CLK1: variants seen among roughly 807,000 people sequenced by gnomAD.
The protein encoded by CLK1 is CDC like kinase 1, also known as dual specificity protein kinase CLK1.
CLK1 carries 40 observed loss-of-function variants against 60.9 expected under a neutral mutation model. That is an observed-to-expected ratio of 0.66 (90% confidence interval 0.51 to 0.86). CLK1 has a LOEUF of 0.86. Among genes scored for constraint, CLK1 ranks in the 40% least tolerant of loss-of-function variants. The pLI is 0.00. For missense variants in CLK1, 563 were observed against 606.1 expected, an observed-to-expected ratio of 0.93 and a Z score of 0.75; for synonymous variants, 203 against 184.4, an observed-to-expected ratio of 1.10 and a Z score of -0.82.
Position 200,860,058 on chromosome 2 carries a change from G to A in CLK1, c.481+67C>T. The A allele has an allele frequency of 2.6e-6, 4 of 1,549,244 alleles. No individual in the cohort carries two copies. The Admixed American group carries it at 6.1e-5, about 24-fold the overall frequency. On this transcript the variant is annotated intron_variant, in intron 4 of 12. Coordinates refer to ENST00000321356, the MANE Select transcript of CLK1 (RefSeq NM_004071.4). ...AAGAAAAAAAGATTTCCAAATCCCT[G>A]AAAGCTTAATCTATATATAGATTAT...
chr2:200,855,583 C>T (rs2039025591), intron 9 of CLK1, among the ~76,000 whole-genome samples: 1 of 151,668 alleles, frequency 6.6e-6, no homozygotes, highest in South Asian at 2.1e-4. Context: ...CGAGATCGCG[C>T]CACTGCACTC....
Position 200,856,956 on chromosome 2 carries a change from CTG to C in CLK1, c.860_861del (p.Thr287ArgfsTer5). 1 of 1,614,034 alleles carries C rather than the reference CTG, an allele frequency of 6.2e-7. No individual in the cohort carries two copies. The highest frequency in any genetic ancestry group is 8.5e-7 in the Non-Finnish European group (1 of 1,179,992). Reference protein sequence around the residue: ...NFLHSNKLTHTDLKPENILFV... With the variant: ...NFLHSNKLTHXDLKPENILFV... Reference sequence around the variant, plus strand: ...AATAAGATGTTTTCAGGCTTTAAGTCTGTGTGAGTCAACTTATTACTGTGCAA... The same window carrying C: ...AATAAGATGTTTTCAGGCTTTAAGTCTGTGAGTCAACTTATTACTGTGCAA... On this transcript the variant is annotated frameshift_variant, in exon 8 of 13. Coordinates refer to ENST00000321356, the MANE Select transcript of CLK1 (RefSeq NM_004071.4). LOFTEE classifies it high-confidence loss of function.
Position 200,861,244 on chromosome 2 carries a change from T to A in CLK1, c.384A>T (p.Ser128=), listed in dbSNP as rs1281301256. Residue 128 remains serine, a synonymous_variant, in exon 3 of 13, where the codon TCA becomes TCT. Transcript: ENST00000321356. The part of the protein sequence containing the change: ...RIHHSTSHRR[S]HGKSHRRKRT... ...GTTTTAAAAACGTTCATACCCCATG[T>A]GAACGACGATGTGAAGTACTGTGGT... is the stretch of plus-strand genomic sequence containing the variant. The A allele has an allele frequency of 6.2e-7, 1 of 1,614,114 alleles. No individual in the cohort carries two copies. The highest frequency in any genetic ancestry group is 8.5e-7 in the Non-Finnish European group (1 of 1,179,956).
Position 200,854,959 on chromosome 2 carries a change from C to T in CLK1, c.1140+45G>A, listed in dbSNP as rs375541172. 8.5e-5 allele frequency: 125 copies of T among 1,468,468 alleles called. 1 individual carries two copies. Among genetic ancestry groups the T allele is most frequent in the South Asian group, 2.4e-4 (20 of 83,606 alleles). The allele number at this position is 1,468,468 out of a possible 1,614,324, so 91.0% of individuals were successfully genotyped here. The stretch of plus-strand genomic sequence containing the variant: ...AAGTATTTATTCATATAAACAGGCA[C>T]CTTTCTTGTGCAAAGCAAGGTTGAA... On this transcript the variant is annotated intron_variant, in intron 10 of 12. Transcript: ENST00000321356.
At chr2:200,855,149 G>C in intron 9 of CLK1, 63 bp from the exon 10 acceptor site, 9 of 1,246,932 alleles carry the variant, frequency 7.2e-6, no homozygotes, top group Non-Finnish European at 1.0e-5. Context: ...AAATTAAAAA[G>C]TTAGTTAACA....
chr2:200,858,110 A>G, intron 5 of CLK1, 21 bp from the exon 6 acceptor site: 1 of 1,452,670 alleles, frequency 6.9e-7, no homozygotes, highest in Non-Finnish European at 9.7e-7. Context: ...GATGCATGCA[A>G]ATTTAAGAAT....
At chr2:200,854,797 T>G in intron 10 of CLK1, 102 bp from the exon 11 acceptor site, 9 of 895,260 alleles carry the variant, frequency 1.0e-5, no homozygotes, top group Non-Finnish European at 1.6e-5. Context: ...CAGAACAAAC[T>G]CGCCAATGAT....
At position 200,854,628 on chromosome 2, in the gene CLK1, A is replaced by G. The variant is rs1441966564; in HGVS notation, c.1208T>C (p.Ile403Thr). 1.3e-6 allele frequency: 2 copies of G among 1,591,558 alleles called. No individual in the cohort carries two copies. Among genetic ancestry groups the G allele is most frequent in the Non-Finnish European group, 1.7e-6 (2 of 1,159,436 alleles). The stretch of plus-strand genomic sequence containing the variant: ...TCTTAAAACGTACCTGGTTTTCTGT[A>G]TCATATGTTTTGGTAGAGGTCCAAG... ...RILGPLPKHMIQKTRKRKYFH... is the reference protein window; with the variant it reads ...RILGPLPKHMTQKTRKRKYFH... Residue 403 changes from isoleucine (I) to threonine (T), a missense_variant, in exon 11 of 13, where the codon ATA becomes ACA. By Grantham distance (89) the Ile-to-Thr change is moderately conservative. Coordinates refer to ENST00000321356, the MANE Select transcript of CLK1 (RefSeq NM_004071.4).
chr2:200,863,683 G>A (rs1196992229), intron 1 of CLK1, among the ~76,000 whole-genome samples: 1 of 152,106 alleles, frequency 6.6e-6, no homozygotes, highest in Non-Finnish European at 1.5e-5. Flanking sequence ...GTGAAACTCT[G>A]TCTCTACTAA....
chr2:200,860,645 A>T (rs913809337), intron 3 of CLK1: 2 of 997,494 alleles, frequency 2.0e-6, no homozygotes, highest in African/African-American at 3.5e-5. Flanking sequence ...AATCTAAGAA[A>T]ACAAATATTA....
chr2:200,861,574 C>T lies in CLK1; in HGVS notation c.162-108G>A. ...CCCACAAGCAGCTTAATTTTACAAA[C>T]ATTACAAACCATCAAAATCTCTCAT... is the stretch of plus-strand genomic sequence containing the variant. On this transcript the variant is annotated intron_variant, in intron 2 of 12. Transcript: ENST00000321356. 6 of 1,557,530 alleles carry T rather than the reference C, an allele frequency of 3.9e-6. No individual in the cohort carries two copies. In the South Asian group the frequency reaches 7.4e-5, roughly 19 times the overall value.
chr2:200,858,077 A>G lies in CLK1; in HGVS notation c.561T>C (p.His187=), dbSNP rs1266675009. Residue 187 remains histidine (H), a synonymous_variant, in exon 6 of 13, where the codon CAT becomes CAC. Coordinates refer to ENST00000321356, the MANE Select transcript of CLK1 (RefSeq NM_004071.4). ...ECIDHKAGGR[H]VAVKIVKNVD... ...CATTTTTAACTATTTTTACTGCTACATGTCTACCTCCCCTGTTAGAAAGAT... is the reference window on the plus strand; with the variant it reads ...CATTTTTAACTATTTTTACTGCTACGTGTCTACCTCCCCTGTTAGAAAGAT... 6.2e-7 allele frequency: 1 copy of G among 1,607,948 alleles called. No individual in the cohort carries two copies. The highest frequency in any genetic ancestry group is 8.5e-7 in the Non-Finnish European group (1 of 1,174,428).
At chr2:200,863,808 C>G (rs2039183520) in intron 1 of CLK1, among the ~76,000 whole-genome samples, 1 of 152,018 alleles carries the variant, frequency 6.6e-6, no homozygotes, top group Non-Finnish European at 1.5e-5. Context: ...GACTCGAGAT[C>G]GCGCCACTAC....
chr2:200,862,703 G>A (rs2039161049), intron 1 of CLK1, among the ~76,000 whole-genome samples: 1 of 152,206 alleles, frequency 6.6e-6, no homozygotes, highest in Non-Finnish European at 1.5e-5. Context: ...GTTTAAACGT[G>A]TACCAGAAAC....
At chr2:200,855,170 A>C in intron 9 of CLK1, 84 bp from the exon 10 acceptor site, 1 of 743,628 alleles carries the variant, frequency 1.3e-6, no homozygotes, top group East Asian at 3.4e-5. Flanking sequence ...CTAATACTTT[A>C]AAAAAAAAAA....
At chr2:200,855,903 G>A (rs1227655659) in intron 9 of CLK1, among the ~76,000 whole-genome samples, 1 of 150,868 alleles carries the variant, frequency 6.6e-6, no homozygotes, top group Admixed American at 6.6e-5. Context: ...CAGCTACTCA[G>A]GAGGCTGAGG....
intron 11 of CLK1, among the ~76,000 whole-genome samples, 157 bp downstream of exon 11, chr2:200,854,459 C>T (rs985180172): frequency 2.0e-5 from 3 of 151,726 alleles, no homozygotes; most frequent in Non-Finnish European, 4.4e-5. Context: ...TGGCGTGAAC[C>T]CAGGAGGGAG....
chr2:200,854,967 G>C (rs2105734446), intron 10 of CLK1, 37 bp downstream of exon 10: 6 of 1,512,852 alleles, frequency 4.0e-6, no homozygotes, highest in Non-Finnish European at 5.5e-6. Flanking sequence ...CACCTTTCTT[G>C]TGCAAAGCAA....
chr2:200,856,605 A>G, intron 9 of CLK1, 77 bp downstream of exon 9: 1 of 1,225,108 alleles, frequency 8.2e-7, no homozygotes, highest in Non-Finnish European at 1.1e-6. Flanking sequence ...CCCCACAAGT[A>G]AGACCTAAAA....
Sources: gnomAD v4.1 joint callset for allele counts (sites outside exome capture counted in the v4.1 genomes callset) on GRCh38, gnomAD v4.1.1 for gene constraint, MANE v1.5 for transcripts, NCBI Gene and HGNC (gene_info 2026-07-23, HGNC 2026-07-21) for gene names.